Variants in PPP1R12B observed in about 807,000 individuals in gnomAD.
PPP1R12B encodes protein phosphatase 1 regulatory subunit 12B.
A neutral mutation model predicts 126.1 loss-of-function variants in PPP1R12B; 76 were observed. The observed-to-expected ratio is 0.60, with a 90% CI of 0.50 to 0.73. PPP1R12B has a LOEUF of 0.73. PPP1R12B is among the 30% of genes least tolerant of loss of function. PPP1R12B has a pLI of 0.00. For missense variants in PPP1R12B, 1,052 were observed against 1,205.1 expected, an observed-to-expected ratio of 0.87 and a Z score of 1.88; for synonymous variants, 356 against 434.7, an observed-to-expected ratio of 0.82 and a Z score of 2.25.
intron 2 of PPP1R12B, among the ~76,000 whole-genome samples, chr1:202,421,102 C>T (rs778517857): frequency 1.3e-5 from 2 of 151,088 alleles, no homozygotes; most frequent in African/African-American, 4.9e-5. Context: ...ACTACAGGTG[C>T]CTGCCACCAT....
chr1:202,510,119 T>G (rs1681266732), intron 18 of PPP1R12B, among the ~76,000 whole-genome samples: 1 of 152,232 alleles, frequency 6.6e-6, no homozygotes, highest in Non-Finnish European at 1.5e-5. Context: ...AGATCACTGG[T>G]GACCTCTAGT....
At chr1:202,526,764 G>GT (rs202161811) in intron 18 of PPP1R12B, among the ~76,000 whole-genome samples, 2,187 of 152,208 alleles carry the variant, frequency 0.014, 66 homozygotes, top group African/African-American at 0.051. Flanking sequence ...AGGGGTTATA[G>GT]TTTTTTGTAA....
At chr1:202,384,067 A>C (rs1197958973) in intron 1 of PPP1R12B, among the ~76,000 whole-genome samples, 1 of 152,252 alleles carries the variant, frequency 6.6e-6, no homozygotes, top group Non-Finnish European at 1.5e-5. Flanking sequence ...TGGTGAGGGC[A>C]TGAAAAAATT....
chr1:202,438,826 TG>T, intron 10 of PPP1R12B: 1 of 910,588 alleles, frequency 1.1e-6, no homozygotes. Flanking sequence ...CTCACGGACG[TG>T]GGGGAGACGG....
At chr1:202,407,711 G>A (rs932229187) in intron 1 of PPP1R12B, among the ~76,000 whole-genome samples, 2 of 152,168 alleles carry the variant, frequency 1.3e-5, no homozygotes, top group South Asian at 4.2e-4. Flanking sequence ...CTCAAGCTCT[G>A]GATCAGTCAA....
chr1:202,465,786 G>T lies in PPP1R12B; in HGVS notation c.1850+16615G>T, dbSNP rs188393339. On this transcript the variant is annotated intron_variant, in intron 13 of 23. Coordinates refer to ENST00000608999, the MANE Select transcript of PPP1R12B (RefSeq NM_002481.4). ...AGCTTTTAAACTTATTTTTTCTAAG[G>T]AAATCTAGTCTTCTAACCTGATAAA... is the stretch of plus-strand genomic sequence containing the variant. Among the ~76,000 whole-genome samples, 579 of 152,176 alleles carry T rather than the reference G, an allele frequency of 3.8e-3. 3 individuals are homozygous for T. Among genetic ancestry groups the T allele is most frequent in the Non-Finnish European group, 6.8e-3 (460 of 67,982 alleles).
In PPP1R12B at chr1:202,431,496, T is replaced by A; in HGVS notation, c.1018T>A (p.Tyr340Asn). ...TTAATTTAGCAAAGAGAAGATGCTCTATGAGGAGGAGACACCTAAGTCCCA... is the reference window on the plus strand; with the variant it reads ...TTAATTTAGCAAAGAGAAGATGCTCAATGAGGAGGAGACACCTAAGTCCCA... Reference protein sequence around the residue: ...GFFKNKEKMLYEEETPKSQEM... With the variant: ...GFFKNKEKMLNEEETPKSQEM... The change falls in exon 8 of 24, where the codon TAT becomes AAT. Residue 340 changes from tyrosine to asparagine, a missense_variant. Transcript: ENST00000608999. 1.9e-6 allele frequency: 3 copies of A among 1,604,992 alleles called. No homozygotes were observed. The highest frequency in any genetic ancestry group is 2.5e-6 in the Non-Finnish European group (3 of 1,177,292).
At chr1:202,420,940 C>T (rs1364726834) in intron 2 of PPP1R12B, among the ~76,000 whole-genome samples, 1 of 139,170 alleles carries the variant, frequency 7.2e-6, no homozygotes, top group African/African-American at 2.7e-5. Flanking sequence ...TTAATCTAAT[C>T]TCTATTGATT....
intron 1 of PPP1R12B, among the ~76,000 whole-genome samples, chr1:202,367,808 A>G (rs563684948): frequency 6.6e-6 from 1 of 152,142 alleles, no homozygotes; most frequent in African/African-American, 2.4e-5. Context: ...TGTAACCAAT[A>G]TGGTTTGGAT....
chr1:202,492,000 T>G (rs1249534867), intron 14 of PPP1R12B, among the ~76,000 whole-genome samples: 3 of 152,216 alleles, frequency 2.0e-5, no homozygotes, highest in Non-Finnish European at 4.4e-5. Flanking sequence ...GTGCTTCATC[T>G]TTGCTAAGTT....
intron 18 of PPP1R12B, among the ~76,000 whole-genome samples, chr1:202,507,035 C>T (rs919921409): frequency 2.0e-5 from 3 of 152,166 alleles, no homozygotes; most frequent in African/African-American, 7.2e-5. Flanking sequence ...TAGATGAAAA[C>T]CTATCAGTTA....
chr1:202,353,550 A>T lies in PPP1R12B; in HGVS notation c.291+4408A>T, dbSNP rs1656423675. Among the ~76,000 whole-genome samples, 3 of 142,180 alleles carry T rather than the reference A, an allele frequency of 2.1e-5. No individual in the cohort carries two copies. In the South Asian group the frequency reaches 6.6e-4, roughly 31 times the overall value. 93.3% of individuals were successfully genotyped at this position (142,180 alleles called of 152,430 possible). A position where few individuals can be genotyped will look rare whatever the true frequency, so the allele number is the denominator to read the frequency against. Reference sequence around the variant, plus strand: ...GAAAGTATAAATAAAAATGACTTTCATTTGTTCCGCAGAATTTCTTCCCTA... The same window carrying T: ...GAAAGTATAAATAAAAATGACTTTCTTTTGTTCCGCAGAATTTCTTCCCTA... On this transcript the variant is annotated intron_variant, in intron 1 of 23. Coordinates refer to ENST00000608999, the MANE Select transcript of PPP1R12B (RefSeq NM_002481.4).
intron 12 of PPP1R12B, chr1:202,445,194 A>G: frequency 2.4e-6 from 3 of 1,246,814 alleles, no homozygotes; most frequent in Non-Finnish European, 3.0e-6. Context: ...TGCACCAATC[A>G]GTGCAAACAC....
At chr1:202,514,169 A>C (rs1436592334) in intron 18 of PPP1R12B, among the ~76,000 whole-genome samples, 1 of 151,440 alleles carries the variant, frequency 6.6e-6, no homozygotes, top group African/African-American at 2.4e-5. Context: ...TTTGATTTGC[A>C]TTTCTCTAAT....
chr1:202,445,299 G>A, intron 12 of PPP1R12B: 2 of 1,148,982 alleles, frequency 1.7e-6, no homozygotes, highest in Non-Finnish European at 1.1e-6. Flanking sequence ...TATGAAATTT[G>A]AACCAAAGAG....
intron 5 of PPP1R12B, among the ~76,000 whole-genome samples, chr1:202,427,432 A>G (rs912998068): frequency 1.9e-4 from 29 of 152,150 alleles, no homozygotes; most frequent in East Asian, 1.9e-4. Context: ...GGAAAAAAAT[A>G]TATTTGTTCT....
chr1:202,479,784 A>T (rs1677127095), intron 13 of PPP1R12B, among the ~76,000 whole-genome samples: 1 of 152,212 alleles, frequency 6.6e-6, no homozygotes, highest in African/African-American at 2.4e-5. Flanking sequence ...CAGATTATCA[A>T]ACCCCTACAC....
chr1:202,457,101 G>A (rs948391709), intron 13 of PPP1R12B, among the ~76,000 whole-genome samples: 8 of 152,198 alleles, frequency 5.3e-5, no homozygotes, highest in Non-Finnish European at 1.0e-4. Context: ...AAATGAATCA[G>A]GAATGGTTTT....
chr1:202,404,281 A>G (rs1366963363), intron 1 of PPP1R12B, among the ~76,000 whole-genome samples: 3 of 152,116 alleles, frequency 2.0e-5, no homozygotes, highest in Non-Finnish European at 4.4e-5. Context: ...TCAGTATGGC[A>G]AATGAAGCCC....
Sources: allele counts gnomAD v4.1 joint callset (sites outside exome capture counted in the v4.1 genomes callset), GRCh38; gene constraint gnomAD v4.1.1; transcripts MANE v1.5; gene names NCBI Gene and HGNC (gene_info 2026-07-23, HGNC 2026-07-21).